The following CNST variants were observed in gnomAD, a reference collection of about 807,000 sequenced individuals.
The protein encoded by CNST is consortin, connexin sorting protein, also known as consortin.
In CNST, 39 loss-of-function variants were observed where a neutral mutation model predicts 72.4. The ratio of observed to expected loss-of-function variants is 0.54; its 90% CI spans 0.42 to 0.70. CNST has a LOEUF of 0.70. CNST is among the 30% of genes least tolerant of loss of function. The pLI is 0.00. For synonymous variants in CNST, 332 were observed against 320.1 expected (o/e 1.04, Z -0.40); for missense variants, 871 against 868.5 (o/e 1.00, Z -0.04).
At chr1:246,643,793 T>C (rs1356273274) in intron 8 of CNST, among the ~76,000 whole-genome samples, 1 of 152,208 alleles carries the variant, frequency 6.6e-6, no homozygotes, top group Non-Finnish European at 1.5e-5. Context: ...GTCAATAATG[T>C]GGGTGACTCT....
At chr1:246,622,320 ATAAG>A (rs1229639805) in intron 3 of CNST, among the ~76,000 whole-genome samples, 4 of 152,232 alleles carry the variant, frequency 2.6e-5, no homozygotes, top group Non-Finnish European at 5.9e-5. Context: ...GGTTCTATCG[ATAAG>A]TAAGTGTGGA....
intron 1 of CNST, among the ~76,000 whole-genome samples, chr1:246,572,862 C>G (rs181996266): frequency 3.3e-5 from 5 of 152,072 alleles, no homozygotes; most frequent in Non-Finnish European, 7.4e-5. Flanking sequence ...TGCACCAGGC[C>G]TGAGTTATTT....
chr1:246,604,771 C>T (rs1662588016), intron 2 of CNST, among the ~76,000 whole-genome samples: 1 of 151,494 alleles, frequency 6.6e-6, no homozygotes. Context: ...TGGGTTCAAG[C>T]GATTCTCTTG....
At chr1:246,579,372 C>G (rs1023237066) in intron 1 of CNST, among the ~76,000 whole-genome samples, 2 of 152,198 alleles carry the variant, frequency 1.3e-5, no homozygotes, top group Non-Finnish European at 2.9e-5. Flanking sequence ...TTATTATAAG[C>G]TCTTCCTCCC....
chr1:246,646,770 GT>G (rs1666104741), intron 8 of CNST, among the ~76,000 whole-genome samples: 1 of 152,218 alleles, frequency 6.6e-6, no homozygotes, highest in Non-Finnish European at 1.5e-5. Context: ...GTGAGCCACT[GT>G]GCCTGGCCCC....
intron 3 of CNST, among the ~76,000 whole-genome samples, chr1:246,625,478 G>A (rs1187821337): frequency 7.6e-6 from 1 of 131,698 alleles, no homozygotes; most frequent in Non-Finnish European, 1.5e-5. Context: ...CTGGAGTGCA[G>A]TGGCGTGATC....
rs191098762 is a variant in CNST at position 246,643,923 on chromosome 1, A to G, written c.937+1886A>G. Among the ~76,000 whole-genome samples, 4 of 152,286 alleles carry G rather than the reference A, an allele frequency of 2.6e-5. No homozygotes were observed. In the East Asian group the frequency reaches 7.7e-4, roughly 29 times the overall value. On this transcript the variant is annotated intron_variant, in intron 8 of 10. Coordinates refer to ENST00000366513, the MANE Select transcript of CNST (RefSeq NM_152609.3). ...CAACCATTTTCAGGCTATTTTGTAA[A>G]TAATACATTGTACCCACAGATAGTC...
intron 1 of CNST, among the ~76,000 whole-genome samples, chr1:246,586,643 G>C (rs1320512108): frequency 6.6e-6 from 1 of 152,064 alleles, no homozygotes; most frequent in Admixed American, 6.6e-5. Flanking sequence ...ATGAATGTCA[G>C]AGATCTTACG....
chr1:246,598,374 CTTTT>C (rs1176548427), intron 2 of CNST, among the ~76,000 whole-genome samples: 5 of 152,110 alleles, frequency 3.3e-5, no homozygotes, highest in Non-Finnish European at 1.5e-5. Flanking sequence ...CATTTTACTT[CTTTT>C]GTCAGTACTT....
chr1:246,630,502 C>G (rs1281273959), intron 3 of CNST, among the ~76,000 whole-genome samples: 2 of 152,106 alleles, frequency 1.3e-5, no homozygotes, highest in Non-Finnish European at 2.9e-5. Flanking sequence ...ATCTACATGG[C>G]TCATGGAAAA....
In CNST at chr1:246,592,862, G is replaced by C. The variant is rs184262727; in HGVS notation, c.379+921G>C. ...TATGCAGTTTGGCAGTTGAAGTTTA[G>C]AGCTATGGAATTTTTGGCCTGAATC... On this transcript the variant is annotated intron_variant, in intron 2 of 10. Coordinates refer to ENST00000366513, the MANE Select transcript of CNST (RefSeq NM_152609.3). Among the ~76,000 whole-genome samples, 12 of 152,318 alleles carry C rather than the reference G, an allele frequency of 7.9e-5. No homozygotes were observed. The East Asian group carries it at 2.3e-3, about 29-fold the overall frequency.
At chr1:246,568,146 A>C (rs1415911546) in intron 1 of CNST, among the ~76,000 whole-genome samples, 1 of 152,202 alleles carries the variant, frequency 6.6e-6, no homozygotes, top group Non-Finnish European at 1.5e-5. Flanking sequence ...AAAAAAAGAA[A>C]GAAAGAAAAA....
intron 4 of CNST, chr1:246,632,152 G>A: frequency 2.3e-6 from 1 of 426,500 alleles, no homozygotes; most frequent in South Asian, 5.2e-5. Flanking sequence ...TCATAAATAG[G>A]CCTTAATTTT....
chr1:246,632,063 G>C, intron 4 of CNST, 139 bp downstream of exon 4: 1 of 552,238 alleles, frequency 1.8e-6, no homozygotes, highest in Non-Finnish European at 3.2e-6. Context: ...GTATGTACCC[G>C]TGTAACCACC....
At chr1:246,581,558 C>T (rs958841056) in intron 1 of CNST, among the ~76,000 whole-genome samples, 31 of 152,240 alleles carry the variant, frequency 2.0e-4, no homozygotes, top group African/African-American at 6.0e-4. Context: ...CCATCACACC[C>T]GGCCCATCCC....
rs143629106 is a variant in CNST at position 246,650,945 on chromosome 1, T to C, written c.1836+2908T>C. Among the ~76,000 whole-genome samples, 558 of 152,298 alleles carry C rather than the reference T, an allele frequency of 3.7e-3. 4 individuals are homozygous for C. Among genetic ancestry groups the C allele is most frequent in the African/African-American group, 0.013 (533 of 41,574 alleles). ...CACCTACCTCGGCCTACCAAAGTGCTGGGATTACAGGCTTGAGCTACCATG... is the reference window on the plus strand; with the variant it reads ...CACCTACCTCGGCCTACCAAAGTGCCGGGATTACAGGCTTGAGCTACCATG... On this transcript the variant is annotated intron_variant, in intron 9 of 10. Transcript: ENST00000366513.
At chr1:246,574,337 A>G (rs1276748693) in intron 1 of CNST, among the ~76,000 whole-genome samples, 1 of 152,224 alleles carries the variant, frequency 6.6e-6, no homozygotes, top group African/African-American at 2.4e-5. Flanking sequence ...CACCGCTCCC[A>G]GCCGCTCCAA....
intron 9 of CNST, among the ~76,000 whole-genome samples, chr1:246,650,238 G>A (rs1666376090): frequency 6.6e-6 from 1 of 152,076 alleles, no homozygotes; most frequent in African/African-American, 2.4e-5. Flanking sequence ...ACAGCTAACA[G>A]TGGAAATTAC....
chr1:246,647,370 C>T lies in CNST; in HGVS notation c.1169C>T (p.Ser390Phe). 2 of 1,614,158 alleles carry T rather than the reference C, an allele frequency of 1.2e-6. No homozygotes were observed. Among genetic ancestry groups the T allele is most frequent in the Non-Finnish European group, 1.7e-6 (2 of 1,180,030 alleles). The change falls in exon 9 of 11, where the codon TCT (serine) becomes TTT (phenylalanine). Residue 390 changes from serine (S) to phenylalanine (F), a missense_variant. Coordinates refer to ENST00000366513, the MANE Select transcript of CNST (RefSeq NM_152609.3). ...GGGAGCCCGTCTGGGCCAGACTCTTCTGAGGATGCTTGTGAGGATGACAGT... is the reference window on the plus strand; with the variant it reads ...GGGAGCCCGTCTGGGCCAGACTCTTTTGAGGATGCTTGTGAGGATGACAGT... ...TAGSPSGPDS[S>F]EDACEDDSRL...
Sources: allele counts gnomAD v4.1 joint callset (sites outside exome capture counted in the v4.1 genomes callset), GRCh38; gene constraint gnomAD v4.1.1; transcripts MANE v1.5; gene names NCBI Gene and HGNC (gene_info 2026-07-23, HGNC 2026-07-21).